The following CCDC69 variants were observed in gnomAD, a reference collection of about 807,000 sequenced individuals.
CCDC69 encodes coiled-coil domain containing 69, also known as coiled-coil domain-containing protein 69.
CCDC69 carries 38 observed loss-of-function variants against 40.3 expected under a neutral mutation model. That is an observed-to-expected ratio of 0.94 (90% CI 0.73 to 1.24). The LOEUF (loss-of-function observed/expected upper bound fraction) is 1.24, where lower values mean the gene tolerates loss of function less well. CCDC69 is among the 50% of genes most tolerant of loss of function. The probability of loss-of-function intolerance (pLI) is 0.00; values close to 1 mark genes in which losing one functional copy is unlikely to be tolerated. For missense variants in CCDC69, 389 were observed against 357.9 expected, an observed-to-expected ratio of 1.09 and a Z score of -0.70; for synonymous variants, 141 against 138.9, an observed-to-expected ratio of 1.02 and a Z score of -0.11.
chr5:151,185,938 G>T, intron 6 of CCDC69, 85 bp downstream of exon 6: 2 of 895,914 alleles, frequency 2.2e-6, no homozygotes, highest in South Asian at 1.3e-5. Context: ...TCTTGTCCTT[G>T]AAGAGGGGCT....
intron 5 of CCDC69, 110 bp downstream of exon 5, chr5:151,187,276 T>A (rs1752537127): frequency 5.7e-6 from 5 of 878,180 alleles, no homozygotes; most frequent in Non-Finnish European, 7.5e-6. Context: ...CCTCAGCCCC[T>A]CACTCCTAGG....
At position 151,184,416 on chromosome 5, in the gene CCDC69, T is replaced by C. The variant is rs1426797879; in HGVS notation, c.641A>G (p.Glu214Gly). The change falls in exon 8 of 9, where the codon GAA becomes GGA. Residue 214 changes from glutamate to glycine, a missense_variant. Physicochemically the swap from Glu to Gly is moderately conservative, Grantham distance 98. Transcript: ENST00000355417. ...TTCCTGTTGCAGGGTCGTAATTTTT[T>C]CCTCCAATATCAGATTTTTCTCTTT... The part of the protein sequence containing the change: ...TVKEKNLILE[E>G]KITTLQQENE... 13 of 1,613,772 alleles carry C rather than the reference T, an allele frequency of 8.1e-6. No homozygotes were observed. The highest frequency in any genetic ancestry group is 1.1e-5 in the Non-Finnish European group (13 of 1,179,758).
intron 1 of CCDC69, among the ~76,000 whole-genome samples, chr5:151,210,498 C>T (rs190013625): frequency 2.9e-4 from 44 of 151,914 alleles, no homozygotes; most frequent in South Asian, 4.2e-4. Flanking sequence ...GAGCCAAGAT[C>T]GCACCACTGC....
intron 1 of CCDC69, among the ~76,000 whole-genome samples, chr5:151,220,012 A>G (rs1365864322): frequency 2.0e-5 from 3 of 152,058 alleles, no homozygotes; most frequent in African/African-American, 4.8e-5. Context: ...TTCTGGAACA[A>G]CAGAGAAAAA....
chr5:151,201,541 T>C, intron 3 of CCDC69, 41 bp downstream of exon 3: 5 of 1,383,042 alleles, frequency 3.6e-6, no homozygotes, highest in South Asian at 1.2e-5. Context: ...CAAAGTTAGC[T>C]GAGCAGGAGA....
At position 151,183,616 on chromosome 5, in the gene CCDC69, T is replaced by C; in HGVS notation, c.714-2A>G. On this transcript the variant is annotated splice_acceptor_variant, in intron 8 of 8. Coordinates refer to ENST00000355417, the MANE Select transcript of CCDC69 (RefSeq NM_015621.3). LOFTEE classifies it high-confidence loss of function. ...AGAAGCAGGTCTTCTGACAGCTGCC[T>C]GTGGATGCACACAGAGCCCAGGGTT... 1 of 1,605,892 alleles carries C rather than the reference T, an allele frequency of 6.2e-7. No homozygotes were observed. Among genetic ancestry groups the C allele is most frequent in the Middle Eastern group, 1.8e-4 (1 of 5,490 alleles).
intron 7 of CCDC69, chr5:151,185,176 A>G: frequency 4.8e-6 from 2 of 416,496 alleles, no homozygotes; most frequent in Non-Finnish European, 8.9e-6. Context: ...TACCTGCCCT[A>G]GTGTCACCCA....
At chr5:151,218,639 C>T (rs1753089177) in intron 1 of CCDC69, among the ~76,000 whole-genome samples, 1 of 152,228 alleles carries the variant, frequency 6.6e-6, no homozygotes, top group South Asian at 2.1e-4. Flanking sequence ...GGCAGCCCCT[C>T]CTAACCAGAG....
At chr5:151,195,528 G>C (rs921175279) in intron 4 of CCDC69, among the ~76,000 whole-genome samples, 5 of 152,004 alleles carry the variant, frequency 3.3e-5, no homozygotes, top group Admixed American at 2.6e-4. Context: ...GGACCAGCCT[G>C]GCCAACATGG....
intron 5 of CCDC69, 87 bp downstream of exon 5, chr5:151,187,299 G>T: frequency 8.3e-7 from 1 of 1,199,988 alleles, no homozygotes; most frequent in Non-Finnish European, 1.2e-6. Flanking sequence ...CACGTAATCA[G>T]TTTTGGCTGC....
chr5:151,184,964 G>C (rs1752467489), intron 7 of CCDC69: 1 of 157,080 alleles, frequency 6.4e-6, no homozygotes, highest in African/African-American at 2.4e-5. Context: ...TGAGATGGTA[G>C]TGCCTGTAAG....
rs184667113 is a variant in CCDC69, at chr5:151,203,853, A to G, written c.124+1547T>C. On this transcript the variant is annotated intron_variant, in intron 2 of 8. Transcript: ENST00000355417. ...TATATATAAAATATATATCATATAT[A>G]GTATATATATAAAATATATATCGTA... 7.0e-3 allele frequency among the ~76,000 whole-genome samples: 978 copies of G among 139,858 alleles called. 16 individuals carry two copies. The highest frequency in any genetic ancestry group is 0.047 in the Middle Eastern group (13 of 274). 91.8% of individuals were successfully genotyped at this position (139,858 alleles called of 152,430 possible). A position where few individuals can be genotyped will look rare whatever the true frequency, so the allele number is the denominator to read the frequency against.
intron 1 of CCDC69, among the ~76,000 whole-genome samples, chr5:151,211,504 G>A (rs991278823): frequency 2.7e-5 from 4 of 150,906 alleles, no homozygotes; most frequent in African/African-American, 7.3e-5. Flanking sequence ...ATGTGTGCTG[G>A]GAATTTGCAT....
At position 151,185,399 on chromosome 5, in the gene CCDC69, C is replaced by A. The variant is rs781117977; in HGVS notation, c.615+23G>T. On this transcript the variant is annotated intron_variant, in intron 7 of 8. Coordinates refer to ENST00000355417, the MANE Select transcript of CCDC69 (RefSeq NM_015621.3). ...AAAGCGGGAGCCTGAGGCTGCATCC[C>A]CCAGCCACTCCCAGTCACAGACCAC... 5 of 1,612,772 alleles carry A rather than the reference C, an allele frequency of 3.1e-6. No individual in the cohort carries two copies. In the South Asian group the frequency reaches 4.4e-5, roughly 14 times the overall value.
intron 4 of CCDC69, among the ~76,000 whole-genome samples, chr5:151,197,050 T>C (rs892438625): frequency 2.0e-5 from 3 of 152,220 alleles, no homozygotes; most frequent in African/African-American, 4.8e-5. Flanking sequence ...AAAGTGTAGA[T>C]GCATGCTGCA....
intron 3 of CCDC69, among the ~76,000 whole-genome samples, 200 bp from the exon 4 acceptor site, chr5:151,199,284 A>T (rs1231751246): frequency 6.6e-6 from 1 of 152,198 alleles, no homozygotes; most frequent in Non-Finnish European, 1.5e-5. Context: ...TTTAGGGTTT[A>T]GCAGGGGGTT....
intron 2 of CCDC69, among the ~76,000 whole-genome samples, chr5:151,204,800 C>T (rs1334520768): frequency 1.3e-5 from 2 of 152,010 alleles, no homozygotes; most frequent in Non-Finnish European, 2.9e-5. Flanking sequence ...TAGAAGGTTC[C>T]CACATGATCC....
At chr5:151,205,697 C>A (rs975711048) in intron 1 of CCDC69, among the ~76,000 whole-genome samples, 1 of 152,190 alleles carries the variant, frequency 6.6e-6, no homozygotes, top group Non-Finnish European at 1.5e-5. Context: ...CAGGGAAACC[C>A]TCAGGGGAGT....
Position 151,205,386 on chromosome 5 carries a change from G to C in CCDC69, c.124+14C>G, listed in dbSNP as rs1752839127. The C allele has an allele frequency of 1.2e-6, 2 of 1,609,156 alleles. No homozygotes were observed. The highest frequency in any genetic ancestry group is 1.7e-6 in the Non-Finnish European group (2 of 1,175,558). ...CAGATGGCAGTTGGGGCCTTTGTGG[G>C]GCTGGCTACTCACCTGTGTCCCCAT... On this transcript the variant is annotated intron_variant, in intron 2 of 8. Transcript: ENST00000355417.
Sources: allele counts gnomAD v4.1 joint callset (sites outside exome capture counted in the v4.1 genomes callset), GRCh38; gene constraint gnomAD v4.1.1; transcripts MANE v1.5; gene names NCBI Gene and HGNC (gene_info 2026-07-23, HGNC 2026-07-21).